POT1: variants seen among roughly 807,000 people sequenced by gnomAD.
POT1 encodes the protein protection of telomeres protein 1.
A neutral mutation model predicts 78.5 loss-of-function variants in POT1; 47 were observed. The observed-to-expected ratio is 0.60, with a 90% CI of 0.47 to 0.76. The LOEUF (loss-of-function observed/expected upper bound fraction) is 0.76. Ranked by LOEUF, POT1 falls within the 30% of genes least tolerant of loss-of-function variation. The pLI, the probability that POT1 is intolerant of heterozygous loss-of-function variation, is 0.00. For synonymous variants in POT1, 259 were observed against 260.7 expected (o/e 0.99, Z 0.06); for missense variants, 646 against 749.9 (o/e 0.86, Z 1.62).
At chr7:124,913,480 A>G (rs538061087) in intron 3 of POT1, among the ~76,000 whole-genome samples, 74 of 152,256 alleles carry the variant, frequency 4.9e-4, no homozygotes, top group Middle Eastern at 3.4e-3. Context: ...TTACATTTTT[A>G]TGAAGCTTAA....
Position 124,835,371 on chromosome 7 carries a change from A to G in POT1, c.1413T>C (p.Asn471=), listed in dbSNP as rs1554418267. The G allele has an allele frequency of 1.2e-6, 2 of 1,614,008 alleles. No individual in the cohort carries two copies. Among genetic ancestry groups the G allele is most frequent in the Non-Finnish European group, 1.7e-6 (2 of 1,179,844 alleles). The change falls in exon 15 of 19, where the codon AAT becomes AAC. Residue 471 remains asparagine, a synonymous_variant. Transcript: ENST00000357628. ...SEICKLSNKF[N]SVIPVRSGHE... is the part of the protein sequence containing the mutation. ...GGCCAGATCTCACAGGAATTACACT[A>G]TTAAACTTGTTCGAGAGTTTGCAAA...
Position 124,822,973 on chromosome 7 carries a change from T to C in POT1, c.*989A>G, listed in dbSNP as rs1435355218. 2 of 165,498 alleles carry C rather than the reference T, an allele frequency of 1.2e-5. No homozygotes were observed. Among genetic ancestry groups the C allele is most frequent in the African/African-American group, 4.8e-5 (2 of 41,952 alleles). 10.3% of individuals were successfully genotyped at this position (165,498 alleles called of 1,614,324 possible). ...ACTGTTAGCTTCTGTTCCAGAATCC[T>C]TGAGTGGTTAACAGTACAGGCTCTG... On this transcript the variant is annotated 3_prime_UTR_variant, in exon 19 of 19. Coordinates refer to ENST00000357628, the MANE Select transcript of POT1 (RefSeq NM_015450.3).
chr7:124,877,441 T>C (rs559768286), intron 6 of POT1, among the ~76,000 whole-genome samples: 51 of 152,066 alleles, frequency 3.4e-4, no homozygotes, highest in Non-Finnish European at 5.7e-4. Context: ...ACAATAGTAA[T>C]GGATCTCCCA....
At chr7:124,923,852 A>G (rs1797209377) in intron 2 of POT1, among the ~76,000 whole-genome samples, 1 of 151,804 alleles carries the variant, frequency 6.6e-6, no homozygotes, top group African/African-American at 2.4e-5. Context: ...CAGAAATCTT[A>G]CAGGCCAGAA....
chr7:124,836,131 A>G (rs1451187314), intron 14 of POT1, among the ~76,000 whole-genome samples: 1 of 152,236 alleles, frequency 6.6e-6, no homozygotes, highest in African/African-American at 2.4e-5. Flanking sequence ...CACTTCTGGT[A>G]TAGCAGAGTG....
intron 6 of POT1, among the ~76,000 whole-genome samples, chr7:124,889,326 G>C (rs1452932887): frequency 1.3e-5 from 2 of 152,044 alleles, no homozygotes; most frequent in African/African-American, 4.8e-5. Flanking sequence ...GAGGTGGGAA[G>C]GCTAGAGAAG....
chr7:124,846,931 CAT>C lies in POT1; in HGVS notation c.1006+9_1006+10del, dbSNP rs764472102. ...TACTGTGCCCATCTCAAAAATGATA[CAT>C]AGTCTTACTTGTAGCAGATAGCTGT... On this transcript the variant is annotated intron_variant, in intron 12 of 18. Coordinates refer to ENST00000357628, the MANE Select transcript of POT1 (RefSeq NM_015450.3). 19 of 1,558,074 alleles carry C rather than the reference CAT, an allele frequency of 1.2e-5. No individual in the cohort carries two copies. Among genetic ancestry groups the C allele is most frequent in the East Asian group, 2.2e-5 (1 of 44,472 alleles).
At chr7:124,909,391 T>C (rs1584521149) in intron 3 of POT1, among the ~76,000 whole-genome samples, 1 of 151,880 alleles carries the variant, frequency 6.6e-6, no homozygotes, top group Non-Finnish European at 1.5e-5. Context: ...ACGCTACCCT[T>C]AAGCAAACAA....
chr7:124,827,511 G>C (rs1677109682), intron 16 of POT1, among the ~76,000 whole-genome samples: 1 of 152,188 alleles, frequency 6.6e-6, no homozygotes, highest in South Asian at 2.1e-4. Flanking sequence ...CTGAGGGATT[G>C]CCTGCTTGGT....
chr7:124,926,799 T>C (rs889339175), intron 2 of POT1, among the ~76,000 whole-genome samples: 1 of 152,150 alleles, frequency 6.6e-6, no homozygotes, highest in African/African-American at 2.4e-5. Flanking sequence ...ATGGAGACCA[T>C]TATCTTAAAT....
At chr7:124,853,725 G>GT (rs34861706) in intron 9 of POT1, among the ~76,000 whole-genome samples, 84,346 of 150,812 alleles carry the variant, frequency 0.56, 23,527 homozygotes, top group Non-Finnish European at 0.59. Context: ...GAGTTCAAAC[G>GT]TAAGAGTTAA....
At chr7:124,854,442 A>T (rs189843077) in intron 9 of POT1, among the ~76,000 whole-genome samples, 2 of 142,910 alleles carry the variant, frequency 1.4e-5, no homozygotes, top group African/African-American at 2.8e-5. Flanking sequence ...GGAAACGTTT[A>T]AAAAAAAAAG....
At chr7:124,860,486 G>A (rs1307264082) in intron 8 of POT1, among the ~76,000 whole-genome samples, 1 of 151,774 alleles carries the variant, frequency 6.6e-6, no homozygotes, top group African/African-American at 2.4e-5. Flanking sequence ...TCTTTTAAAT[G>A]CACCTTTGTA....
chr7:124,834,945 C>CA (rs1170691870), intron 15 of POT1, among the ~76,000 whole-genome samples: 1 of 152,064 alleles, frequency 6.6e-6, no homozygotes, highest in Non-Finnish European at 1.5e-5. Flanking sequence ...CCTTGCCAGG[C>CA]ATATGGATAA....
intron 9 of POT1, among the ~76,000 whole-genome samples, chr7:124,857,364 G>A (rs1562989962): frequency 6.6e-6 from 1 of 152,146 alleles, no homozygotes; most frequent in African/African-American, 2.4e-5. Context: ...CGCAGAAGAG[G>A]GCAGGTCCCC....
intron 11 of POT1, among the ~76,000 whole-genome samples, chr7:124,851,113 C>A (rs1410132000): frequency 4.6e-5 from 7 of 151,478 alleles, no homozygotes; most frequent in Non-Finnish European, 1.0e-4. Flanking sequence ...CTGTTTCTAC[C>A]AAAAAATAAA....
rs1421505649 is a variant in POT1 at position 124,831,929 on chromosome 7, G to GA, written c.1506-2588dup. 5.6e-5 allele frequency among the ~76,000 whole-genome samples: 8 copies of GA among 143,918 alleles called. No individual in the cohort carries two copies. The South Asian group carries it at 8.7e-4, about 16-fold the overall frequency. The allele number at this position is 143,918 out of a possible 152,430, so 94.4% of individuals were successfully genotyped here. ...AGTTTGGAAAAGTAGCTACCTCTGAGAAAAAAGAGTTAGAGAAGGGATTGA... is the reference window on the plus strand; with the variant it reads ...AGTTTGGAAAAGTAGCTACCTCTGAGAAAAAAAGAGTTAGAGAAGGGATTGA... On this transcript the variant is annotated intron_variant, in intron 15 of 18. Transcript: ENST00000357628.
chr7:124,899,173 T>C (rs1026878048), intron 3 of POT1, among the ~76,000 whole-genome samples: 1 of 152,184 alleles, frequency 6.6e-6, no homozygotes, highest in African/African-American at 2.4e-5. Flanking sequence ...CAATCCTCTA[T>C]TCAGATTTAA....
intron 17 of POT1, among the ~76,000 whole-genome samples, chr7:124,826,785 C>T (rs1399176468): frequency 6.6e-6 from 1 of 152,164 alleles, no homozygotes; most frequent in Non-Finnish European, 1.5e-5. Context: ...CAGAGAACTG[C>T]TTGAACCCGG....
Sources: allele counts gnomAD v4.1 joint callset (sites outside exome capture counted in the v4.1 genomes callset), GRCh38; gene constraint gnomAD v4.1.1; transcripts MANE v1.5; gene names NCBI Gene and HGNC (gene_info 2026-07-23, HGNC 2026-07-21).